The following CACNA1H variants were observed in gnomAD, a reference collection of about 807,000 sequenced individuals.
CACNA1H encodes calcium voltage-gated channel subunit alpha1 H, also known as voltage-dependent T-type calcium channel subunit alpha-1H.
CACNA1H carries 149 observed loss-of-function variants against 192.5 expected under a neutral mutation model. The ratio of observed to expected loss-of-function variants is 0.77; its 90% CI spans 0.68 to 0.89. The LOEUF is 0.89. Ranked by LOEUF, CACNA1H falls within the 40% of genes least tolerant of loss-of-function variation. CACNA1H has a pLI of 0.00. For missense variants in CACNA1H, 4,257 were observed against 3,423.5 expected, an observed-to-expected ratio of 1.24 and a Z score of -6.08; for synonymous variants, 2,202 against 1,475.2, an observed-to-expected ratio of 1.49 and a Z score of -11.29.
chr16:1,169,329 T>C (rs1164290564), intron 2 of CACNA1H, among the ~76,000 whole-genome samples: 2 of 152,178 alleles, frequency 1.3e-5, no homozygotes, highest in African/African-American at 4.8e-5. Flanking sequence ...CATCAGATGA[T>C]GCATGGGCTG....
intron 2 of CACNA1H, among the ~76,000 whole-genome samples, chr16:1,194,092 G>A (rs1966839050): frequency 6.6e-6 from 1 of 152,126 alleles, no homozygotes; most frequent in African/African-American, 2.4e-5. Context: ...TGAGGCCTGT[G>A]GTCTGCGCCA....
At chr16:1,178,568 C>A (rs926172105) in intron 2 of CACNA1H, among the ~76,000 whole-genome samples, 1 of 152,154 alleles carries the variant, frequency 6.6e-6, no homozygotes, top group Admixed American at 6.5e-5. Context: ...AGGAGCCGGC[C>A]CTGCCCACAG....
intron 30 of CACNA1H, among the ~76,000 whole-genome samples, chr16:1,216,663 G>A (rs1015070029): frequency 3.3e-5 from 5 of 152,248 alleles, no homozygotes; most frequent in African/African-American, 1.2e-4. Context: ...CAGGGGCAGG[G>A]CAGAGGAAGA....
At chr16:1,155,268 G>A (rs941088502) in intron 2 of CACNA1H, among the ~76,000 whole-genome samples, 1 of 152,210 alleles carries the variant, frequency 6.6e-6, no homozygotes, top group African/African-American at 2.4e-5. Flanking sequence ...CTGCCTCGGA[G>A]CCCCACACCC....
intron 4 of CACNA1H, 108 bp downstream of exon 4, chr16:1,195,673 G>A (rs1966883218): frequency 1.5e-6 from 2 of 1,325,918 alleles, no homozygotes; most frequent in East Asian, 5.0e-5. Context: ...TGTTCTAGAG[G>A]GATCCAGGTA....
In CACNA1H at chr16:1,210,570, C is replaced by A; in HGVS notation, c.3970-13C>A. On this transcript the variant is annotated splice_polypyrimidine_tract_variant and intron_variant, in intron 19 of 34. Transcript: ENST00000348261. ...TGGAGTGGACACAGCCCCCCACCGT[C>A]CTCTCCCGGCAGGAGCGGGTCTTCC... is the stretch of plus-strand genomic sequence containing the variant. 1 of 1,609,846 alleles carries A rather than the reference C, an allele frequency of 6.2e-7. No individual in the cohort carries two copies. Among genetic ancestry groups the A allele is most frequent in the Non-Finnish European group, 8.5e-7 (1 of 1,179,778 alleles).
At chr16:1,156,046 C>T (rs1962326873) in intron 2 of CACNA1H, among the ~76,000 whole-genome samples, 1 of 152,166 alleles carries the variant, frequency 6.6e-6, no homozygotes, top group Admixed American at 6.5e-5. Flanking sequence ...CTGGTGTCCC[C>T]AGGGCTCTCT....
In CACNA1H at chr16:1,216,860, G is replaced by A. The variant is rs1168359590; in HGVS notation, c.5245-72G>A. The A allele has an allele frequency of 1.4e-5, 18 of 1,254,472 alleles. No homozygotes were observed. The Middle Eastern group carries it at 5.5e-4, about 38-fold the overall frequency. The allele number at this position is 1,254,472 out of a possible 1,614,324, so 77.7% of individuals were successfully genotyped here. On this transcript the variant is annotated intron_variant, in intron 30 of 34. Coordinates refer to ENST00000348261, the MANE Select transcript of CACNA1H (RefSeq NM_021098.3). ...GGTGGGGTCTGGTGGCCGAGGCGCC[G>A]AGTGCCCTGCAGGGTGGGCTGAGGC...
At position 1,205,097 on chromosome 16, in the gene CACNA1H, C is replaced by T. The variant is rs993654582; in HGVS notation, c.2452-17C>T. 5 of 1,606,640 alleles carry T rather than the reference C, an allele frequency of 3.1e-6. No individual in the cohort carries two copies. In the African/African-American group the frequency reaches 4.0e-5, roughly 13 times the overall value. ...CGCGGGTGCGGCCTCCTGAACTGTC[C>T]CCACCTCTGCCTGCAGCCCGAGGAG... is the stretch of plus-strand genomic sequence containing the variant. On this transcript the variant is annotated splice_polypyrimidine_tract_variant and intron_variant, in intron 10 of 34. Transcript: ENST00000348261.
intron 2 of CACNA1H, among the ~76,000 whole-genome samples, chr16:1,166,222 G>A (rs1963757099): frequency 6.6e-6 from 1 of 152,216 alleles, no homozygotes; most frequent in Non-Finnish European, 1.5e-5. Context: ...GAGTGTCCAC[G>A]AGCAAATCCT....
chr16:1,194,591 G>T (rs974269512), intron 2 of CACNA1H, among the ~76,000 whole-genome samples: 1 of 152,196 alleles, frequency 6.6e-6, no homozygotes, highest in Non-Finnish European at 1.5e-5. Flanking sequence ...CCCCCAGCGC[G>T]GGAGCCCTAT....
Position 1,204,191 on chromosome 16 carries a change from T to C in CACNA1H, c.2184T>C (p.Tyr728=). ...ESGDSDGRGV[Y]EFTQDVRHGD... ...GAGACTCAGATGGCCGTGGCGTCTA[T>C]GAATTCACGCAGGACGTCCGGCACG... Residue 728 remains tyrosine (Y), a synonymous_variant, in exon 10 of 35, where the codon TAT becomes TAC. Transcript: ENST00000348261. 6.2e-7 allele frequency: 1 copy of C among 1,612,286 alleles called. No individual in the cohort carries two copies. The highest frequency in any genetic ancestry group is 2.2e-5 in the East Asian group (1 of 44,870).
chr16:1,170,479 G>A (rs1964258686), intron 2 of CACNA1H, among the ~76,000 whole-genome samples: 2 of 152,206 alleles, frequency 1.3e-5, no homozygotes, highest in South Asian at 4.1e-4. Flanking sequence ...TGGACGGGAG[G>A]AGATGGACCG....
intron 2 of CACNA1H, among the ~76,000 whole-genome samples, chr16:1,165,468 C>T (rs1210351563): frequency 1.3e-5 from 2 of 152,188 alleles, no homozygotes; most frequent in African/African-American, 2.4e-5. Context: ...CAGGGAGCCG[C>T]GTGGGCCGAG....
intron 2 of CACNA1H, among the ~76,000 whole-genome samples, chr16:1,175,843 C>G (rs1424234713): frequency 2.6e-5 from 4 of 152,174 alleles, no homozygotes; most frequent in African/African-American, 7.2e-5. Flanking sequence ...CGTTGAGGGG[C>G]GTGTGCCAGT....
chr16:1,172,891 G>T (rs186078916), intron 2 of CACNA1H, among the ~76,000 whole-genome samples: 23 of 152,044 alleles, frequency 1.5e-4, no homozygotes, highest in Non-Finnish European at 3.4e-4. Context: ...GGACAGCCCC[G>T]TGGGGACTCT....
intron 17 of CACNA1H, among the ~76,000 whole-genome samples, chr16:1,209,636 G>C (rs146728168): frequency 6.6e-6 from 1 of 152,202 alleles, no homozygotes; most frequent in Non-Finnish European, 1.5e-5. Flanking sequence ...TGAGCTAAAC[G>C]CTCCACGCAC....
rs546564100 is a variant in CACNA1H at position 1,156,290 on chromosome 16, G to A, written c.299+2254G>A. ...GGTTCATTCTTGGCCCCGTGGAAAC[G>A]CCCGTCGGTCAGGTGGAGTGGGCTT... On this transcript the variant is annotated intron_variant, in intron 2 of 34. Transcript: ENST00000348261. Among the ~76,000 whole-genome samples, 9 of 152,356 alleles carry A rather than the reference G, an allele frequency of 5.9e-5. No individual in the cohort carries two copies. The South Asian group carries it at 1.0e-3, about 18-fold the overall frequency.
rs117964326 is a variant in CACNA1H, at chr16:1,220,475, G to A, written c.6543G>A (p.Ala2181=). 6.0e-4 allele frequency: 923 copies of A among 1,546,814 alleles called. 9 individuals are homozygous for A. The East Asian group carries it at 0.018, about 30-fold the overall frequency. ...CTGAGGCCGAGCCCGCTCTGGGTGC[G>A]CGCAGAAAGAAGAAGATGAGCCCCC... ...WGPEAEPALG[A]RRKKKMSPPC... The change falls in exon 35 of 35, where the codon GCG becomes GCA. Residue 2181 remains alanine, a synonymous_variant. Transcript: ENST00000348261.
Sources: gnomAD v4.1 joint callset for allele counts (sites outside exome capture counted in the v4.1 genomes callset) on GRCh38, gnomAD v4.1.1 for gene constraint, MANE v1.5 for transcripts, NCBI Gene and HGNC (gene_info 2026-07-23, HGNC 2026-07-21) for gene names.